Variants in WDR41 observed in about 807,000 individuals in gnomAD.
The protein encoded by WDR41 is WD repeat-containing protein 41.
A neutral mutation model predicts 69.3 loss-of-function variants in WDR41; 63 were observed. The observed-to-expected ratio is 0.91, with a 90% CI of 0.74 to 1.12. The LOEUF is 1.12. Among genes scored for constraint, WDR41 ranks in the 50% most tolerant of loss-of-function variants. The pLI, the probability that WDR41 is intolerant of heterozygous loss-of-function variation, is 0.00. For synonymous variants in WDR41, 185 were observed against 192.1 expected (o/e 0.96, Z 0.31); for missense variants, 543 against 534.5 (o/e 1.02, Z -0.16).
At chr5:77,505,771 A>C (rs1266998750) in intron 1 of WDR41, among the ~76,000 whole-genome samples, 1 of 152,236 alleles carries the variant, frequency 6.6e-6, no homozygotes, top group Admixed American at 6.5e-5. Flanking sequence ...AATCTGACAA[A>C]AACAAGAAAC....
At chr5:77,574,724 C>T (rs1580018699) in intron 1 of WDR41, among the ~76,000 whole-genome samples, 1 of 152,156 alleles carries the variant, frequency 6.6e-6, no homozygotes, top group African/African-American at 2.4e-5. Flanking sequence ...AGAGTGCAGG[C>T]ACTAATTATC....
chr5:77,440,627 G>A (rs1799120203), intron 9 of WDR41, among the ~76,000 whole-genome samples, 186 bp downstream of exon 9: 1 of 152,058 alleles, frequency 6.6e-6, no homozygotes, highest in Admixed American at 6.6e-5. Flanking sequence ...CTTGCCTCGA[G>A]ATTAGAAGCA....
At chr5:77,470,547 A>G (rs1008770851) in intron 2 of WDR41, among the ~76,000 whole-genome samples, 4 of 152,150 alleles carry the variant, frequency 2.6e-5, no homozygotes, top group African/African-American at 9.7e-5. Context: ...TCATGCACGG[A>G]GACACACATA....
chr5:77,440,862 C>CA lies in WDR41; in HGVS notation c.832dup (p.Cys278LeufsTer6), dbSNP rs957128108. 4 of 1,613,930 alleles carry CA rather than the reference C, an allele frequency of 2.5e-6. No individual in the cohort carries two copies. The highest frequency in any genetic ancestry group is 2.7e-5 in the African/African-American group (2 of 74,906). Reference sequence around the variant, plus strand: ...AATAGAAATGTCATTTGATTTTTGACAGAGTTTTATTTCTTGTTGGGTGTC... The same window carrying CA: ...AATAGAAATGTCATTTGATTTTTGACAAGAGTTTTATTTCTTGTTGGGTGTC... On this transcript the variant is annotated frameshift_variant, in exon 9 of 13. Transcript: ENST00000296679. LOFTEE classifies it high-confidence loss of function.
In WDR41 at chr5:77,572,914, G is replaced by A. The variant is rs184305032; in HGVS notation, c.42+47565C>T. On this transcript the variant is annotated intron_variant, in intron 1 of 5. Transcript: ENST00000509971. ...ACCCAACGGTGATGTATAAAACAGG[G>A]TCTCTGCAATATGCACAACGGAGTG... Among the ~76,000 whole-genome samples the A allele has an allele frequency of 2.6e-3, 394 of 152,276 alleles. 2 individuals are homozygous for A. Among genetic ancestry groups the A allele is most frequent in the African/African-American group, 9.2e-3 (382 of 41,550 alleles).
chr5:77,513,549 T>C (rs1265080478), intron 1 of WDR41, among the ~76,000 whole-genome samples: 1 of 152,194 alleles, frequency 6.6e-6, no homozygotes, highest in African/African-American at 2.4e-5. Context: ...ATCTGCTTCC[T>C]TCCTCCTTGC....
intron 1 of WDR41, among the ~76,000 whole-genome samples, chr5:77,612,692 G>A (rs1744587623): frequency 6.6e-6 from 1 of 152,046 alleles, no homozygotes; most frequent in Non-Finnish European, 1.5e-5. Flanking sequence ...ATATCAAACT[G>A]AATGGGCAAA....
intron 1 of WDR41, among the ~76,000 whole-genome samples, chr5:77,573,247 TTC>T (rs139734736): frequency 2.0e-4 from 30 of 150,320 alleles, no homozygotes; most frequent in African/African-American, 4.1e-4. Flanking sequence ...TACTACCAGA[TTC>T]TCTCTCTCTC....
At chr5:77,512,359 T>G (rs879316582) in intron 1 of WDR41, among the ~76,000 whole-genome samples, 1 of 93,506 alleles carries the variant, frequency 1.1e-5, no homozygotes. Flanking sequence ...AGAGTGAGTG[T>G]GTGTGTGTGT....
At position 77,438,361 on chromosome 5, in the gene WDR41, T is replaced by C. The variant is rs1485889867; in HGVS notation, c.883A>G (p.Asn295Asp). ...CCCCTTCCAACTGCAGCAAATACAT[T>C]CTAGGGGAAGAAGTTCAGAAATGGG... ...SIHHFTCDEENVFAAVGRGLY... is the reference protein window; with the variant it reads ...SIHHFTCDEEDVFAAVGRGLY... Residue 295 changes from asparagine (N) to aspartate (D), a missense_variant and splice_region_variant, in exon 10 of 13, where the codon AAT (asparagine) becomes GAT (aspartate). Asn to Asp is a conservative substitution (Grantham distance 23). Transcript: ENST00000296679. 6.2e-7 allele frequency: 1 copy of C among 1,613,750 alleles called. No individual in the cohort carries two copies. The highest frequency in any genetic ancestry group is 1.1e-5 in the South Asian group (1 of 91,034).
At chr5:77,510,951 G>A (rs1379069412) in intron 1 of WDR41, among the ~76,000 whole-genome samples, 1 of 151,790 alleles carries the variant, frequency 6.6e-6, no homozygotes, top group Non-Finnish European at 1.5e-5. Context: ...TTTATTAGTA[G>A]AGACAGTTTC....
In WDR41 at chr5:77,446,458, G is replaced by A. The variant is rs574463184; in HGVS notation, c.697+3302C>T. On this transcript the variant is annotated intron_variant, in intron 8 of 12. Transcript: ENST00000296679. Reference sequence around the variant, plus strand: ...TTCATATAGAATCAAAGAAGACCCCGTATAGCCAAGACAATCCTAAGCAAA... The same window carrying A: ...TTCATATAGAATCAAAGAAGACCCCATATAGCCAAGACAATCCTAAGCAAA... Among the ~76,000 whole-genome samples the A allele has an allele frequency of 9.2e-5, 14 of 152,152 alleles. 1 individual carries two copies. The South Asian group carries it at 2.3e-3, about 25-fold the overall frequency.
At chr5:77,488,495 C>T (rs940736625) in intron 2 of WDR41, among the ~76,000 whole-genome samples, 3 of 147,200 alleles carry the variant, frequency 2.0e-5, no homozygotes, top group Non-Finnish European at 4.5e-5. Flanking sequence ...GGTTAATAGA[C>T]AGCAGAAGTG....
intron 1 of WDR41, among the ~76,000 whole-genome samples, chr5:77,557,918 ATTATCT>A (rs1743439204): frequency 6.6e-6 from 1 of 152,148 alleles, no homozygotes; most frequent in Non-Finnish European, 1.5e-5. Context: ...ATACGGTATG[ATTATCT>A]TTATATAAAG....
At chr5:77,567,594 A>G (rs192901436) in intron 1 of WDR41, among the ~76,000 whole-genome samples, 72 of 151,574 alleles carry the variant, frequency 4.8e-4, no homozygotes, top group South Asian at 1.3e-3. Context: ...ATTTTTAATT[A>G]GTAATAAATG....
chr5:77,615,339 AT>A (rs1744658804), intron 1 of WDR41, among the ~76,000 whole-genome samples: 1 of 152,182 alleles, frequency 6.6e-6, no homozygotes, highest in Non-Finnish European at 1.5e-5. Flanking sequence ...ATATGTCCAT[AT>A]TTTTAAAGAT....
chr5:77,441,271 A>C (rs1208074508), intron 8 of WDR41, among the ~76,000 whole-genome samples: 1 of 152,200 alleles, frequency 6.6e-6, no homozygotes, highest in Non-Finnish European at 1.5e-5. Context: ...AGGGGAATAA[A>C]AGTAAAAGAA....
At chr5:77,589,676 A>AT (rs1489077690) in intron 1 of WDR41, among the ~76,000 whole-genome samples, 1 of 152,136 alleles carries the variant, frequency 6.6e-6, no homozygotes, top group African/African-American at 2.4e-5. Context: ...AACATGATTG[A>AT]TTTTTGTATT....
At position 77,464,438 on chromosome 5, in the gene WDR41, G is replaced by T. The variant is rs118105194; in HGVS notation, c.216+323C>A. On this transcript the variant is annotated intron_variant, in intron 3 of 12. Coordinates refer to ENST00000296679, the MANE Select transcript of WDR41 (RefSeq NM_018268.4). The stretch of plus-strand genomic sequence containing the variant: ...TTTCTAGTATTTTTAGTAGAGACGG[G>T]GTCTTGCTATGTTGGCCAAGCTGTT... 1.6e-3 allele frequency among the ~76,000 whole-genome samples: 248 copies of T among 151,638 alleles called. 5 individuals carry two copies. In the East Asian group the frequency reaches 0.045, roughly 28 times the overall value.
Sources: gnomAD v4.1 joint callset for allele counts (sites outside exome capture counted in the v4.1 genomes callset) on GRCh38, gnomAD v4.1.1 for gene constraint, MANE v1.5 for transcripts, NCBI Gene and HGNC (gene_info 2026-07-23, HGNC 2026-07-21) for gene names.